The following IMMP2L variants were observed in gnomAD, a reference collection of about 807,000 sequenced individuals.
The protein encoded by IMMP2L is inner mitochondrial membrane peptidase subunit 2, also known as mitochondrial inner membrane protease subunit 2.
In IMMP2L, 18 loss-of-function variants were observed where a neutral mutation model predicts 19.3. The observed-to-expected ratio is 0.93, with a 90% CI of 0.64 to 1.38. The LOEUF (loss-of-function observed/expected upper bound fraction) is 1.38. IMMP2L is among the 40% of genes most tolerant of loss of function. The pLI is 0.00. For synonymous variants in IMMP2L, 76 were observed against 73.0 expected, an observed-to-expected ratio of 1.04 and a Z score of -0.21; for missense variants, 233 against 218.2, an observed-to-expected ratio of 1.07 and a Z score of -0.43.
chr7:111,192,707 C>T (rs749676870), intron 3 of IMMP2L, among the ~76,000 whole-genome samples: 22 of 152,080 alleles, frequency 1.4e-4, no homozygotes, highest in Admixed American at 3.9e-4. Flanking sequence ...TTGGGCATCA[C>T]ATGGCAGGTT....
intron 3 of IMMP2L, among the ~76,000 whole-genome samples, chr7:111,352,333 G>T (rs1206004666): frequency 6.6e-6 from 1 of 151,606 alleles, no homozygotes; most frequent in African/African-American, 2.4e-5. Flanking sequence ...CAAGTAGCTG[G>T]GTAATGCAGG....
At chr7:110,893,235 A>T (rs2129546323) in intron 4 of IMMP2L, among the ~76,000 whole-genome samples, 1 of 152,282 alleles carries the variant, frequency 6.6e-6, no homozygotes, top group African/African-American at 2.4e-5. Context: ...GACACACAAA[A>T]CCAACATATT....
intron 3 of IMMP2L, among the ~76,000 whole-genome samples, chr7:111,268,481 A>G (rs1818058889): frequency 7.8e-6 from 1 of 127,600 alleles, no homozygotes; most frequent in Admixed American, 8.1e-5. Context: ...TTTGTCGTTT[A>G]TCTAATAAAA....
chr7:111,434,117 A>G (rs546565739), intron 3 of IMMP2L, among the ~76,000 whole-genome samples: 1 of 151,932 alleles, frequency 6.6e-6, no homozygotes, highest in East Asian at 1.9e-4. Context: ...TATAGAATAG[A>G]GAACCCAGAA....
At chr7:110,675,514 C>G (rs536649423) in intron 5 of IMMP2L, among the ~76,000 whole-genome samples, 5 of 152,266 alleles carry the variant, frequency 3.3e-5, no homozygotes, top group Non-Finnish European at 7.4e-5. Flanking sequence ...TTAGTTATTT[C>G]TAAGTCTCCG....
At chr7:111,077,583 G>C (rs1302197536) in intron 3 of IMMP2L, among the ~76,000 whole-genome samples, 4 of 152,150 alleles carry the variant, frequency 2.6e-5, no homozygotes, top group Non-Finnish European at 5.9e-5. Flanking sequence ...GGGAAGTCCA[G>C]TATTCAGCAT....
At chr7:111,101,293 T>G (rs1324713704) in intron 3 of IMMP2L, among the ~76,000 whole-genome samples, 1 of 151,438 alleles carries the variant, frequency 6.6e-6, no homozygotes, top group Non-Finnish European at 1.5e-5. Context: ...ACATCCCTAG[T>G]CATTGAACAG....
chr7:111,183,178 A>C (rs747782767), intron 3 of IMMP2L, among the ~76,000 whole-genome samples: 2 of 152,108 alleles, frequency 1.3e-5, no homozygotes, highest in African/African-American at 2.4e-5. Flanking sequence ...TGATATTTCA[A>C]ATAAGTAAGT....
intron 3 of IMMP2L, among the ~76,000 whole-genome samples, chr7:111,036,175 T>C (rs1791331869): frequency 6.6e-6 from 1 of 152,174 alleles, no homozygotes; most frequent in African/African-American, 2.4e-5. Flanking sequence ...CACAAATCTC[T>C]AGATCTAGTT....
chr7:111,354,141 C>T (rs1828461710), intron 3 of IMMP2L, among the ~76,000 whole-genome samples: 1 of 151,956 alleles, frequency 6.6e-6, no homozygotes, highest in Admixed American at 6.6e-5. Context: ...GAAAAAACTA[C>T]AGAACCTTAT....
chr7:111,462,426 T>C (rs929044695), intron 3 of IMMP2L, among the ~76,000 whole-genome samples: 8 of 152,112 alleles, frequency 5.3e-5, no homozygotes, highest in African/African-American at 1.4e-4. Flanking sequence ...AATGAACCAA[T>C]GAAACACAGT....
chr7:111,121,508 T>C (rs1800611381), intron 3 of IMMP2L, among the ~76,000 whole-genome samples: 1 of 152,042 alleles, frequency 6.6e-6, no homozygotes. Context: ...ATCAGAGAAA[T>C]GCAAATCAAA....
At chr7:110,854,023 T>G (rs768781496) in intron 5 of IMMP2L, among the ~76,000 whole-genome samples, 1 of 151,966 alleles carries the variant, frequency 6.6e-6, no homozygotes, top group Non-Finnish European at 1.5e-5. Flanking sequence ...ACTAAGAATA[T>G]TATTAAATCA....
intron 5 of IMMP2L, among the ~76,000 whole-genome samples, chr7:110,802,030 G>C (rs111282130): frequency 6.6e-6 from 1 of 151,966 alleles, no homozygotes; most frequent in Non-Finnish European, 1.5e-5. Context: ...CATGGAGCCC[G>C]GGGCATACAC....
At chr7:110,830,042 ATAT>A (rs1304742809) in intron 5 of IMMP2L, among the ~76,000 whole-genome samples, 1 of 152,156 alleles carries the variant, frequency 6.6e-6, no homozygotes, top group East Asian at 1.9e-4. Context: ...GGCAAGTCAC[ATAT>A]GTGCTTAGTG....
intron 3 of IMMP2L, among the ~76,000 whole-genome samples, chr7:110,992,806 G>A (rs1203823226): frequency 3.3e-5 from 5 of 152,014 alleles, no homozygotes; most frequent in African/African-American, 1.2e-4. Flanking sequence ...TATAATTAAT[G>A]CTTATTCAAA....
intron 3 of IMMP2L, among the ~76,000 whole-genome samples, chr7:111,143,859 T>G (rs1371278258): frequency 6.6e-6 from 1 of 152,170 alleles, no homozygotes; most frequent in Non-Finnish European, 1.5e-5. Flanking sequence ...CCAGTGCAGA[T>G]ACTGTATATT....
At chr7:111,396,202 T>A (rs1584940286) in intron 3 of IMMP2L, among the ~76,000 whole-genome samples, 1 of 152,128 alleles carries the variant, frequency 6.6e-6, no homozygotes, top group Non-Finnish European at 1.5e-5. Flanking sequence ...TAAAGACACA[T>A]GGACACGTAT....
intron 5 of IMMP2L, among the ~76,000 whole-genome samples, chr7:110,700,302 T>C (rs1255237827): frequency 2.0e-5 from 3 of 152,184 alleles, no homozygotes; most frequent in African/African-American, 7.2e-5. Context: ...ATTGAAGCCA[T>C]TCTGAATCTC....
Sources: gnomAD v4.1 joint callset for allele counts (sites outside exome capture counted in the v4.1 genomes callset) on GRCh38, gnomAD v4.1.1 for gene constraint, MANE v1.5 for transcripts, NCBI Gene and HGNC (gene_info 2026-07-23, HGNC 2026-07-21) for gene names.